The following IDNK variants were observed in gnomAD, a reference collection of about 807,000 sequenced individuals.
IDNK encodes the protein IDNK gluconokinase, also known as gluconokinase.
Under a neutral mutation model 13.0 loss-of-function variants are expected in IDNK, and 9 were observed. That is an observed-to-expected ratio of 0.69 (90% confidence interval 0.42 to 1.21). The LOEUF is 1.21. IDNK is among the 50% of genes most tolerant of loss of function. The probability of loss-of-function intolerance (pLI) is 0.00; values close to 1 mark genes in which losing one functional copy is unlikely to be tolerated. For missense variants in IDNK, 210 were observed against 237.8 expected (o/e 0.88, Z 0.77); for synonymous variants, 92 against 94.9 (o/e 0.97, Z 0.18).
chr9:83,643,344 G>C, intron 4 of IDNK, 85 bp from the exon 5 acceptor site: 1 of 1,048,476 alleles, frequency 9.5e-7, no homozygotes. Flanking sequence ...AGTAGGACTA[G>C]AGTCCTGCAA....
At chr9:83,628,332 C>T in intron 2 of IDNK, 121 bp downstream of exon 2, 1 of 897,052 alleles carries the variant, frequency 1.1e-6, no homozygotes, top group South Asian at 1.4e-5. Context: ...CCCACTGGAG[C>T]AATTTTGTTT....
intron 3 of IDNK, among the ~76,000 whole-genome samples, chr9:83,638,855 C>T (rs1831228206): frequency 6.6e-6 from 1 of 152,218 alleles, no homozygotes; most frequent in South Asian, 2.1e-4. Context: ...GAAGGGTGGA[C>T]TGTCAACTTC....
chr9:83,627,483 A>G (rs1485601374), intron 1 of IDNK, among the ~76,000 whole-genome samples: 1 of 152,184 alleles, frequency 6.6e-6, no homozygotes, highest in Admixed American at 6.5e-5. Context: ...GTTTAAAGGA[A>G]CAGGTGACTT....
At chr9:83,641,937 G>A (rs992053379) in intron 4 of IDNK, among the ~76,000 whole-genome samples, 6 of 152,224 alleles carry the variant, frequency 3.9e-5, no homozygotes, top group Admixed American at 3.3e-4. Flanking sequence ...GTGAGTTGGT[G>A]AGTGGGCAAC....
chr9:83,643,638 AT>A lies in IDNK; in HGVS notation c.426del (p.Phe142LeufsTer26), dbSNP rs549933426. 1 of 1,614,088 alleles carries A rather than the reference AT, an allele frequency of 6.2e-7. No individual in the cohort carries two copies. Among genetic ancestry groups the A allele is most frequent in the Non-Finnish European group, 8.5e-7 (1 of 1,180,018 alleles). ...GGACGCTTACTCAAAAGAGAGGGAC[AT>A]TTTATGCCCCCTGAATTATTGCAGT... is the stretch of plus-strand genomic sequence containing the variant. ...ISGRLLKREGHFMPPELLQSQ... is the reference protein window; with the variant it reads ...ISGRLLKREGXFMPPELLQSQ... On this transcript the variant is annotated frameshift_variant, in exon 5 of 5. Coordinates refer to ENST00000376419, the MANE Select transcript of IDNK (RefSeq NM_001001551.4). LOFTEE classifies it high-confidence loss of function.
chr9:83,628,920 T>A lies in IDNK; in HGVS notation c.129T>A (p.Asn43Lys), dbSNP rs755407672. 2.5e-5 allele frequency: 41 copies of A among 1,613,926 alleles called. No individual in the cohort carries two copies. Among genetic ancestry groups the A allele is most frequent in the Non-Finnish European group, 2.5e-6 (3 of 1,179,986 alleles). Residue 43 changes from asparagine to lysine, a missense_variant, in exon 3 of 5, where the codon AAT (asparagine) becomes AAA (lysine). Transcript: ENST00000376419. ...YDADDYHPEE[N>K]RRKMGKGIPL... Reference sequence around the variant, plus strand: ...CTGATGATTATCACCCGGAGGAAAATCGAAGGAAGATGGGAAAAGGCATAC... The same window carrying A: ...CTGATGATTATCACCCGGAGGAAAAACGAAGGAAGATGGGAAAAGGCATAC...
At chr9:83,623,628 GCT>G (rs1040936454) in intron 1 of IDNK, 9 of 229,358 alleles carry the variant, frequency 3.9e-5, no homozygotes, top group African/African-American at 2.1e-4. Flanking sequence ...CACGGCCCAG[GCT>G]CTCACAGACC....
In IDNK at chr9:83,643,650, C is replaced by G. The variant is rs1418259652; in HGVS notation, c.434C>G (p.Pro145Arg). Residue 145 changes from proline (P) to arginine (R), a missense_variant, in exon 5 of 5, where the codon CCT becomes CGT. Transcript: ENST00000376419. The stretch of plus-strand genomic sequence containing the variant: ...AAAAGAGAGGGACATTTTATGCCCC[C>G]TGAATTATTGCAGTCCCAGTTTGAG... ...LLKREGHFMPPELLQSQFETL... is the reference protein window; with the variant it reads ...LLKREGHFMPRELLQSQFETL... 1 of 1,613,962 alleles carries G rather than the reference C, an allele frequency of 6.2e-7. No individual in the cohort carries two copies. The highest frequency in any genetic ancestry group is 2.2e-5 in the East Asian group (1 of 44,866).
intron 1 of IDNK, chr9:83,626,640 C>T (rs1398022977): frequency 2.7e-6 from 3 of 1,123,670 alleles, no homozygotes; most frequent in Non-Finnish European, 3.6e-6. Flanking sequence ...TAGTCCCGAA[C>T]TCCTGGCCTC....
intron 1 of IDNK, 154 bp from the exon 2 acceptor site, chr9:83,628,027 C>T: frequency 6.8e-7 from 1 of 1,460,336 alleles, no homozygotes; most frequent in Non-Finnish European, 9.1e-7. Context: ...TCTCCAGACT[C>T]CACGGTCACG....
chr9:83,642,648 A>AG (rs1564152069), intron 4 of IDNK, among the ~76,000 whole-genome samples: 1 of 151,652 alleles, frequency 6.6e-6, no homozygotes, highest in African/African-American at 2.4e-5. Context: ...GCCAGCCCCA[A>AG]GCCAGAATTT....
intron 3 of IDNK, among the ~76,000 whole-genome samples, chr9:83,631,461 A>AAAAAAAAAAC: frequency 6.7e-6 from 1 of 148,368 alleles, no homozygotes. Flanking sequence ...GAAAAAAAAA[A>AAAAAAAAAAC]AAAAAAAAAG....
At chr9:83,623,443 C>G (rs1830759342) in intron 1 of IDNK, 1 of 538,612 alleles carries the variant, frequency 1.9e-6, no homozygotes, top group Middle Eastern at 2.8e-4. Context: ...TCCGGGTTCC[C>G]GCTCTAAGAC....
At chr9:83,633,702 A>G (rs1157764960) in intron 3 of IDNK, among the ~76,000 whole-genome samples, 1 of 152,230 alleles carries the variant, frequency 6.6e-6, no homozygotes, top group African/African-American at 2.4e-5. Flanking sequence ...TCAATGAATT[A>G]TATACGATCC....
At chr9:83,625,018 G>GCTTGGCTT (rs1168577394) in intron 1 of IDNK, among the ~76,000 whole-genome samples, 2 of 152,160 alleles carry the variant, frequency 1.3e-5, no homozygotes, top group African/African-American at 4.8e-5. Flanking sequence ...CCCAGCTAAG[G>GCTTGGCTT]CTTGGCTTCT....
chr9:83,637,894 A>G (rs1831206703), intron 3 of IDNK, among the ~76,000 whole-genome samples: 1 of 152,162 alleles, frequency 6.6e-6, no homozygotes, highest in Non-Finnish European at 1.5e-5. Flanking sequence ...ATTGCCACCC[A>G]CTGAACTCAA....
rs141222540 is a variant in IDNK, at chr9:83,639,750, A to C, written c.169-1798A>C. Among the ~76,000 whole-genome samples, 4 of 152,304 alleles carry C rather than the reference A, an allele frequency of 2.6e-5. No homozygotes were observed. The East Asian group carries it at 7.7e-4, about 29-fold the overall frequency. On this transcript the variant is annotated intron_variant, in intron 3 of 4. Coordinates refer to ENST00000376419, the MANE Select transcript of IDNK (RefSeq NM_001001551.4). ...CTGCTTTTTCCCCAGTGAAATTGTG[A>C]CTATTCTGGTGCTGCATTTGGCTTA...
intron 1 of IDNK, among the ~76,000 whole-genome samples, chr9:83,624,110 G>A (rs1257267071): frequency 6.6e-6 from 1 of 152,168 alleles, no homozygotes; most frequent in Non-Finnish European, 1.5e-5. Context: ...TTATTGTAGG[G>A]TTCTCAGCCA....
chr9:83,633,199 C>T (rs529699510), intron 3 of IDNK, among the ~76,000 whole-genome samples: 3 of 152,192 alleles, frequency 2.0e-5, no homozygotes, highest in Admixed American at 6.5e-5. Context: ...ATTAGCCGGG[C>T]GTGGTGGCAG....
Sources: gnomAD v4.1 joint callset for allele counts (sites outside exome capture counted in the v4.1 genomes callset) on GRCh38, gnomAD v4.1.1 for gene constraint, MANE v1.5 for transcripts, NCBI Gene and HGNC (gene_info 2026-07-23, HGNC 2026-07-21) for gene names.